Variants in RBPMS2 observed in about 807,000 individuals in gnomAD.
The protein encoded by RBPMS2 is RNA binding protein, mRNA processing factor 2.
In RBPMS2, 14 loss-of-function variants were observed where a neutral mutation model predicts 25.7. The observed-to-expected ratio is 0.55, with a 90% CI of 0.36 to 0.85. The LOEUF (loss-of-function observed/expected upper bound fraction) is 0.85. Ranked by LOEUF, RBPMS2 falls within the 40% of genes least tolerant of loss-of-function variation. The probability of loss-of-function intolerance (pLI) is 0.01; values close to 1 mark genes in which losing one functional copy is unlikely to be tolerated. For synonymous variants in RBPMS2, 127 were observed against 115.6 expected (o/e 1.10, Z -0.63); for missense variants, 252 against 283.4 (o/e 0.89, Z 0.80).
At chr15:64,753,633 G>A (rs537580289) in intron 1 of RBPMS2, among the ~76,000 whole-genome samples, 3 of 152,228 alleles carry the variant, frequency 2.0e-5, no homozygotes, top group African/African-American at 7.2e-5. Flanking sequence ...AACCTCACGT[G>A]AGCTTTTGCC....
chr15:64,747,740 A>G, intron 6 of RBPMS2, among the ~76,000 whole-genome samples: 1 of 152,070 alleles, frequency 6.6e-6, no homozygotes, highest in East Asian at 1.9e-4. Flanking sequence ...CTGCCTGCCC[A>G]TTGGGCACCC....
In RBPMS2 at chr15:64,768,548, G is replaced by C. The variant is rs935424504; in HGVS notation, c.87+6685C>G. On this transcript the variant is annotated intron_variant, in intron 1 of 7. Coordinates refer to ENST00000300069, the MANE Select transcript of RBPMS2 (RefSeq NM_194272.3). ...AGCTACTCGGGAGGATGAGGCTGAA[G>C]AATCACTTGAACCCAAGAGGCAGAG... Among the ~76,000 whole-genome samples the C allele has an allele frequency of 2.6e-5, 4 of 151,940 alleles. No homozygotes were observed. In the East Asian group the frequency reaches 7.7e-4, roughly 29 times the overall value.
intron 1 of RBPMS2, among the ~76,000 whole-genome samples, chr15:64,773,141 G>C (rs2083903953): frequency 1.3e-5 from 2 of 152,214 alleles, no homozygotes; most frequent in Admixed American, 6.5e-5. Context: ...TCAGCCATGG[G>C]AGTAAACCAC....
At chr15:64,748,378 G>A in intron 6 of RBPMS2, 41 bp downstream of exon 6, 2 of 1,600,860 alleles carry the variant, frequency 1.2e-6, no homozygotes, top group Non-Finnish European at 1.7e-6. Flanking sequence ...GGCCAGCTAA[G>A]AGCCCTTGTT....
intron 1 of RBPMS2, among the ~76,000 whole-genome samples, chr15:64,753,732 G>A (rs1034554681): frequency 6.6e-6 from 1 of 152,080 alleles, no homozygotes; most frequent in Non-Finnish European, 1.5e-5. Context: ...CACTATACCA[G>A]CCTCTGTGCC....
chr15:64,754,606 C>T (rs1183555725), intron 1 of RBPMS2, among the ~76,000 whole-genome samples: 1 of 150,774 alleles, frequency 6.6e-6, no homozygotes, highest in African/African-American at 2.4e-5. Flanking sequence ...AGCAAAACTC[C>T]GTCTCAAAAA....
chr15:64,770,581 A>G (rs2083885939), intron 1 of RBPMS2, among the ~76,000 whole-genome samples: 1 of 152,116 alleles, frequency 6.6e-6, no homozygotes, highest in Admixed American at 6.6e-5. Flanking sequence ...TCCTACTGCT[A>G]TATGCCTGGC....
intron 3 of RBPMS2, 43 bp downstream of exon 3, chr15:64,750,300 C>T (rs951430400): frequency 9.5e-6 from 15 of 1,573,088 alleles, no homozygotes; most frequent in Non-Finnish European, 1.3e-5. Flanking sequence ...AGCTCAGCAG[C>T]CGGTCTGGGC....
intron 1 of RBPMS2, among the ~76,000 whole-genome samples, chr15:64,761,988 G>T (rs1461656603): frequency 2.0e-5 from 3 of 152,080 alleles, no homozygotes; most frequent in African/African-American, 7.2e-5. Context: ...GGGATTACAA[G>T]CATGAGCCAC....
At position 64,756,046 on chromosome 15, in the gene RBPMS2, C is replaced by T. The variant is rs540553673; in HGVS notation, c.88-4408G>A. On this transcript the variant is annotated intron_variant, in intron 1 of 7. Transcript: ENST00000300069. Reference sequence around the variant, plus strand: ...CAGTCTGAGGTACCCCTCACCTTGACTACAGAAAGCCCTAGAGACAGGAAC... The same window carrying T: ...CAGTCTGAGGTACCCCTCACCTTGATTACAGAAAGCCCTAGAGACAGGAAC... Among the ~76,000 whole-genome samples the T allele has an allele frequency of 4.6e-5, 7 of 152,290 alleles. No homozygotes were observed. In the East Asian group the frequency reaches 5.8e-4, roughly 13 times the overall value.
At chr15:64,757,884 G>A (rs575262556) in intron 1 of RBPMS2, among the ~76,000 whole-genome samples, 1 of 152,280 alleles carries the variant, frequency 6.6e-6, no homozygotes, top group South Asian at 2.1e-4. Flanking sequence ...GCTGAGGTGG[G>A]AGCATCGCTT....
At chr15:64,755,732 C>A (rs1238986174) in intron 1 of RBPMS2, among the ~76,000 whole-genome samples, 2 of 152,094 alleles carry the variant, frequency 1.3e-5, no homozygotes, top group African/African-American at 2.4e-5. Context: ...ACTGGCAAAC[C>A]AGGAGCAGGG....
chr15:64,749,667 TG>T (rs1412115759), intron 3 of RBPMS2, among the ~76,000 whole-genome samples, 174 bp from the exon 4 acceptor site: 2 of 152,198 alleles, frequency 1.3e-5, no homozygotes, highest in African/African-American at 4.8e-5. Flanking sequence ...CCCTGTTCAC[TG>T]GAACAGCAGT....
chr15:64,765,413 CAA>C (rs1255711725), intron 1 of RBPMS2, among the ~76,000 whole-genome samples: 10 of 107,984 alleles, frequency 9.3e-5, no homozygotes, highest in Non-Finnish European at 5.8e-5. Context: ...GACTCCGTCT[CAA>C]AAAAAAAAAA....
chr15:64,741,302 GGTAAC>G lies in RBPMS2; in HGVS notation c.568-65_568-61del. ...CATCCCTTCCCTCAACAGGAAGCCA[GGTAAC>G]CATGGCCATCGGTGTCCCCGCTGGA... On this transcript the variant is annotated intron_variant, in intron 6 of 7. Transcript: ENST00000300069. The G allele has an allele frequency of 1.4e-5, 19 of 1,363,842 alleles. No individual in the cohort carries two copies. The South Asian group carries it at 2.4e-4, about 17-fold the overall frequency. 84.5% of individuals were successfully genotyped at this position (1,363,842 alleles called of 1,614,324 possible).
intron 1 of RBPMS2, among the ~76,000 whole-genome samples, chr15:64,752,705 G>A (rs190635046): frequency 2.0e-5 from 3 of 151,732 alleles, no homozygotes; most frequent in African/African-American, 4.8e-5. Context: ...CTGCCTCCCC[G>A]GTTCAAGCGA....
At chr15:64,771,996 A>T (rs1555431754) in intron 1 of RBPMS2, among the ~76,000 whole-genome samples, 1 of 152,176 alleles carries the variant, frequency 6.6e-6, no homozygotes, top group African/African-American at 2.4e-5. Context: ...CATTTTCTGG[A>T]TACTTTAACT....
intron 6 of RBPMS2, among the ~76,000 whole-genome samples, chr15:64,744,561 A>AC (rs925114808): frequency 2.9e-5 from 4 of 138,738 alleles, no homozygotes; most frequent in Admixed American, 7.7e-5. Context: ...TCTGTCTCAA[A>AC]AAAAAAAAAA....
intron 1 of RBPMS2, among the ~76,000 whole-genome samples, chr15:64,752,111 T>A (rs989084266): frequency 6.6e-6 from 1 of 151,856 alleles, no homozygotes; most frequent in Admixed American, 6.6e-5. Flanking sequence ...ATTACTGGGG[T>A]ACACCACCAC....
Sources: allele counts gnomAD v4.1 joint callset (sites outside exome capture counted in the v4.1 genomes callset), GRCh38; gene constraint gnomAD v4.1.1; transcripts MANE v1.5; gene names NCBI Gene and HGNC (gene_info 2026-07-23, HGNC 2026-07-21).